Variants in SLC22A9 observed in about 807,000 individuals in gnomAD.
SLC22A9 encodes solute carrier family 22 member 9.
In SLC22A9, 64 loss-of-function variants were observed where a neutral mutation model predicts 50.1. The observed-to-expected ratio is 1.28, with a 90% CI of 1.04 to 1.57. The LOEUF (loss-of-function observed/expected upper bound fraction) is 1.57. Among genes scored for constraint, SLC22A9 ranks in the 40% most tolerant of loss-of-function variants. The probability of loss-of-function intolerance (pLI) is 0.00; values close to 1 mark genes in which losing one functional copy is unlikely to be tolerated. For synonymous variants in SLC22A9, 261 were observed against 242.5 expected (o/e 1.08, Z -0.71); for missense variants, 757 against 676.1 (o/e 1.12, Z -1.33).
intron 6 of SLC22A9, among the ~76,000 whole-genome samples, chr11:63,394,707 G>A (rs375427253): frequency 5.8e-4 from 88 of 152,192 alleles, no homozygotes; most frequent in African/African-American, 1.9e-3. Flanking sequence ...GTGCCTAGGC[G>A]ATTATCTATT....
intron 4 of SLC22A9, among the ~76,000 whole-genome samples, chr11:63,374,433 GAATAATTTTT>G (rs1418966341): frequency 2.0e-5 from 3 of 152,112 alleles, no homozygotes; most frequent in Admixed American, 2.0e-4. Flanking sequence ...GATAAGGGAT[GAATAATTTTT>G]AATATAATTA....
chr11:63,401,219 A>C (rs2119999039), intron 6 of SLC22A9, among the ~76,000 whole-genome samples: 1 of 152,214 alleles, frequency 6.6e-6, no homozygotes, highest in South Asian at 2.1e-4. Flanking sequence ...AAATGTCCTC[A>C]TTTGCATATG....
At chr11:63,408,548 A>C (rs922069784) in intron 8 of SLC22A9, 128 bp from the exon 9 acceptor site, 2 of 842,892 alleles carry the variant, frequency 2.4e-6, no homozygotes, top group Non-Finnish European at 3.7e-6. Context: ...TGAAAATTTC[A>C]AACACAGGAG....
chr11:63,404,589 A>G (rs72928254), intron 6 of SLC22A9, among the ~76,000 whole-genome samples: 3,905 of 152,302 alleles, frequency 0.026, 68 homozygotes, highest in Middle Eastern at 0.044. Flanking sequence ...TTTCAGTACC[A>G]GAGTGGTTAA....
At position 63,408,696 on chromosome 11, in the gene SLC22A9, A is replaced by G; in HGVS notation, c.1418A>G (p.Asn473Ser). Residue 473 changes from asparagine to serine, a missense_variant, in exon 9 of 10, where the codon AAT becomes AGT. By Grantham distance (46) the Asn-to-Ser change is conservative. Coordinates refer to ENST00000279178, the MANE Select transcript of SLC22A9 (RefSeq NM_080866.3). ...CAAAGGGCAAGAGCTATGGGGATCA[A>G]TGCAACCTTTGCTAATATAGCAGGA... ...TIIRARAMGI[N>S]ATFANIAGAL... is the part of the protein sequence containing the mutation. The G allele has an allele frequency of 6.2e-7, 1 of 1,613,864 alleles. No homozygotes were observed. Among genetic ancestry groups the G allele is most frequent in the Non-Finnish European group, 8.5e-7 (1 of 1,179,826 alleles).
rs111563979 is a variant in SLC22A9, at chr11:63,409,964, G to T, written c.*102G>T. 7.4e-7 allele frequency: 1 copy of T among 1,357,364 alleles called. No homozygotes were observed. Among genetic ancestry groups the T allele is most frequent in the Non-Finnish European group, 1.0e-6 (1 of 968,568 alleles). 84.1% of individuals were successfully genotyped at this position (1,357,364 alleles called of 1,614,324 possible). A position where few individuals can be genotyped will look rare whatever the true frequency, so the allele number is the denominator to read the frequency against. ...ATCTAGAAAATAAATAACAAGGCTG[G>T]GTGCGGTGGCTCACGCCTGTAATCC... On this transcript the variant is annotated 3_prime_UTR_variant, in exon 10 of 10. Coordinates refer to ENST00000279178, the MANE Select transcript of SLC22A9 (RefSeq NM_080866.3).
At chr11:63,382,700 C>T (rs2014587544) in intron 6 of SLC22A9, among the ~76,000 whole-genome samples, 1 of 152,052 alleles carries the variant, frequency 6.6e-6, no homozygotes, top group Admixed American at 6.6e-5. Context: ...AATACTAGGA[C>T]ATGATCGCAA....
At chr11:63,394,610 T>A (rs1168082540) in intron 6 of SLC22A9, among the ~76,000 whole-genome samples, 2 of 152,280 alleles carry the variant, frequency 1.3e-5, no homozygotes, top group African/African-American at 4.8e-5. Context: ...ATCTGATAGG[T>A]TTTCCCTTTT....
At position 63,381,136 on chromosome 11, in the gene SLC22A9, T is replaced by C. The variant is rs116368611; in HGVS notation, c.955-1023T>C. The stretch of plus-strand genomic sequence containing the variant: ...CCTCCATCTCACAGGTTTCCTAATG[T>C]ACCTGTTCTAGACAACCCTCTAACC... On this transcript the variant is annotated intron_variant, in intron 5 of 9. Coordinates refer to ENST00000279178, the MANE Select transcript of SLC22A9 (RefSeq NM_080866.3). 6.1e-3 allele frequency among the ~76,000 whole-genome samples: 930 copies of C among 152,284 alleles called. 10 individuals are homozygous for C. The highest frequency in any genetic ancestry group is 0.02 in the African/African-American group (851 of 41,572).
At chr11:63,374,127 A>G in intron 4 of SLC22A9, 65 bp downstream of exon 4, 1 of 1,448,630 alleles carries the variant, frequency 6.9e-7, no homozygotes, top group Non-Finnish European at 9.2e-7. Context: ...TGGAACTAGG[A>G]CACCTGAATT....
At chr11:63,405,359 G>A (rs766069698) in intron 6 of SLC22A9, among the ~76,000 whole-genome samples, 1 of 152,118 alleles carries the variant, frequency 6.6e-6, no homozygotes, top group Non-Finnish European at 1.5e-5. Context: ...TGTCAAGGGC[G>A]ACTAAGCCCT....
intron 6 of SLC22A9, among the ~76,000 whole-genome samples, chr11:63,401,531 T>C (rs2120000152): frequency 6.6e-6 from 1 of 152,194 alleles, no homozygotes; most frequent in East Asian, 1.9e-4. Flanking sequence ...AGAACCAATA[T>C]TGTTAAAATG....
Position 63,373,879 on chromosome 11 carries a change from T to C in SLC22A9, c.662-15T>C. The stretch of plus-strand genomic sequence containing the variant: ...CCACCTTTGAAGTCAAAGCCTTATC[T>C]GTTTTTTCTTCCAGTAGCCGAGTGG... On this transcript the variant is annotated splice_polypyrimidine_tract_variant and intron_variant, in intron 3 of 9. Coordinates refer to ENST00000279178, the MANE Select transcript of SLC22A9 (RefSeq NM_080866.3). 6.2e-7 allele frequency: 1 copy of C among 1,611,764 alleles called. No individual in the cohort carries two copies. The highest frequency in any genetic ancestry group is 8.5e-7 in the Non-Finnish European group (1 of 1,178,840).
intron 6 of SLC22A9, among the ~76,000 whole-genome samples, chr11:63,390,250 C>T (rs555020670): frequency 8.5e-5 from 13 of 152,260 alleles, no homozygotes; most frequent in African/African-American, 3.1e-4. Flanking sequence ...AGTCCTTGCC[C>T]ATGCCTATGT....
intron 2 of SLC22A9, among the ~76,000 whole-genome samples, chr11:63,372,620 CA>C (rs1243190913): frequency 1.3e-5 from 2 of 152,032 alleles, no homozygotes; most frequent in African/African-American, 4.8e-5. Context: ...GTAAGACTGA[CA>C]TTTTTTAAAT....
intron 6 of SLC22A9, among the ~76,000 whole-genome samples, chr11:63,400,673 C>A (rs1207561159): frequency 1.3e-5 from 2 of 152,050 alleles, no homozygotes; most frequent in Non-Finnish European, 2.9e-5. Flanking sequence ...ACAAGGCCAG[C>A]ATTACCCTGA....
chr11:63,386,120 C>T (rs1268447579), intron 6 of SLC22A9, among the ~76,000 whole-genome samples: 1 of 152,128 alleles, frequency 6.6e-6, no homozygotes, highest in African/African-American at 2.4e-5. Context: ...GTTGAACAAG[C>T]TTTGCATCTA....
chr11:63,396,719 T>A (rs1185297772), intron 6 of SLC22A9, among the ~76,000 whole-genome samples: 1 of 152,212 alleles, frequency 6.6e-6, no homozygotes, highest in East Asian at 1.9e-4. Context: ...TATTTTTAAT[T>A]ATTTCAATTT....
intron 6 of SLC22A9, among the ~76,000 whole-genome samples, chr11:63,389,529 G>T (rs1193480815): frequency 1.3e-5 from 2 of 152,176 alleles, no homozygotes; most frequent in African/African-American, 4.8e-5. Context: ...TTTTATGGCT[G>T]CATGGTATTC....
Sources: allele counts gnomAD v4.1 joint callset (sites outside exome capture counted in the v4.1 genomes callset), GRCh38; gene constraint gnomAD v4.1.1; transcripts MANE v1.5; gene names NCBI Gene and HGNC (gene_info 2026-07-23, HGNC 2026-07-21).